Variants in KMT2C observed in about 807,000 individuals in gnomAD.
KMT2C encodes lysine methyltransferase 2C, also known as histone-lysine N-methyltransferase 2C.
A neutral mutation model predicts 507.9 loss-of-function variants in KMT2C; 88 were observed. The ratio of observed to expected loss-of-function variants is 0.17; its 90% confidence interval spans 0.15 to 0.21. The LOEUF is 0.21. KMT2C is among the 10% of genes least tolerant of loss of function. The pLI is 1.00. For synonymous variants in KMT2C, 2,049 were observed against 2,080.8 expected (o/e 0.98, Z 0.42); for missense variants, 4,954 against 5,957.8 (o/e 0.83, Z 5.55).
At chr7:152,434,739 G>A (rs1181552949) in intron 1 of KMT2C, among the ~76,000 whole-genome samples, 1 of 152,132 alleles carries the variant, frequency 6.6e-6, no homozygotes, top group Non-Finnish European at 1.5e-5. Context: ...TCAAATAACC[G>A]TTCTGTAAGA....
At chr7:152,158,231 C>T (rs2092207793) in intron 44 of KMT2C, among the ~76,000 whole-genome samples, 1 of 152,212 alleles carries the variant, frequency 6.6e-6, no homozygotes. Context: ...GCAACTGTCT[C>T]CCACCTTCTG....
intron 1 of KMT2C, among the ~76,000 whole-genome samples, chr7:152,400,632 A>G (rs1487995047): frequency 6.6e-6 from 1 of 152,244 alleles, no homozygotes; most frequent in African/African-American, 2.4e-5. Flanking sequence ...AAATAATACC[A>G]GTCAACTGTA....
At chr7:152,360,993 T>A (rs2097192649) in intron 1 of KMT2C, among the ~76,000 whole-genome samples, 1 of 151,988 alleles carries the variant, frequency 6.6e-6, no homozygotes, top group Non-Finnish European at 1.5e-5. Context: ...TCAAAAACTA[T>A]GAATGAAAAT....
intron 3 of KMT2C, among the ~76,000 whole-genome samples, chr7:152,324,614 C>G (rs1003574723): frequency 6.6e-6 from 1 of 151,432 alleles, no homozygotes; most frequent in African/African-American, 2.4e-5. Context: ...AATACATATT[C>G]CAAGAAAAAA....
chr7:152,145,385 AAT>A, intron 53 of KMT2C, 90 bp from the exon 54 acceptor site: 1 of 1,299,234 alleles, frequency 7.7e-7, no homozygotes, highest in Non-Finnish European at 1.1e-6. Context: ...CCACGACAGA[AAT>A]AACTCATCAG....
chr7:152,180,187 A>G, intron 36 of KMT2C, 61 bp from the exon 37 acceptor site: 1 of 1,557,336 alleles, frequency 6.4e-7, no homozygotes, highest in Non-Finnish European at 8.8e-7. Context: ...TTTAAAGGTT[A>G]CTGGCTTTTT....
intron 2 of KMT2C, among the ~76,000 whole-genome samples, chr7:152,348,225 G>A (rs1464336943): frequency 6.6e-6 from 1 of 152,088 alleles, no homozygotes; most frequent in Non-Finnish European, 1.5e-5. Flanking sequence ...AACACACCCA[G>A]TTTGGTTCAT....
intron 6 of KMT2C, among the ~76,000 whole-genome samples, chr7:152,306,197 T>C (rs2096614619): frequency 6.6e-6 from 1 of 152,208 alleles, no homozygotes; most frequent in African/African-American, 2.4e-5. Flanking sequence ...CTATCCTCTT[T>C]TATGTGAATT....
chr7:152,214,278 C>A (rs565855562), intron 23 of KMT2C, among the ~76,000 whole-genome samples: 1 of 152,010 alleles, frequency 6.6e-6, no homozygotes, highest in Non-Finnish European at 1.5e-5. Flanking sequence ...ATATTCATGG[C>A]GACATTACTC....
intron 43 of KMT2C, among the ~76,000 whole-genome samples, chr7:152,161,334 A>G (rs1232784031): frequency 2.0e-5 from 3 of 152,224 alleles, no homozygotes; most frequent in African/African-American, 7.2e-5. Context: ...TCAACCCTTA[A>G]TTAAAATATG....
intron 1 of KMT2C, among the ~76,000 whole-genome samples, chr7:152,397,042 C>A (rs1266473182): frequency 1.3e-5 from 2 of 152,184 alleles, no homozygotes; most frequent in African/African-American, 4.8e-5. Context: ...TAGTTTAAAA[C>A]CTGTTTCTCC....
chr7:152,253,489 A>G (rs2129167242), intron 9 of KMT2C, among the ~76,000 whole-genome samples: 1 of 145,580 alleles, frequency 6.9e-6, no homozygotes, highest in South Asian at 2.3e-4. Flanking sequence ...AATCTGGGCA[A>G]GAAGGCAAAA....
At chr7:152,193,684 CCA>C (rs140030416) in intron 31 of KMT2C, among the ~76,000 whole-genome samples, 5 of 150,974 alleles carry the variant, frequency 3.3e-5, no homozygotes, top group African/African-American at 7.3e-5. Flanking sequence ...GGGGACAGTT[CCA>C]CACACACACA....
intron 1 of KMT2C, among the ~76,000 whole-genome samples, chr7:152,408,575 A>G (rs2097647190): frequency 6.6e-6 from 1 of 152,192 alleles, no homozygotes; most frequent in African/African-American, 2.4e-5. Flanking sequence ...GCGGCATTAG[A>G]TTCTCATAGA....
intron 46 of KMT2C, chr7:152,155,037 G>A (rs1381375698): frequency 2.6e-5 from 4 of 152,202 alleles, no homozygotes; most frequent in African/African-American, 7.2e-5. Flanking sequence ...CAAAAGACTG[G>A]TCCCTTCTGT....
At chr7:152,291,606 T>G (rs2096428493) in intron 6 of KMT2C, among the ~76,000 whole-genome samples, 1 of 152,302 alleles carries the variant, frequency 6.6e-6, no homozygotes. Context: ...AAATATTTTC[T>G]CTTGTAGTTG....
chr7:152,326,350 T>G (rs1179327405), intron 3 of KMT2C, among the ~76,000 whole-genome samples: 1 of 152,140 alleles, frequency 6.6e-6, no homozygotes, highest in Non-Finnish European at 1.5e-5. Context: ...ATCCTTAATC[T>G]TTCCAAAAAG....
At chr7:152,319,421 C>T (rs2096751153) in intron 3 of KMT2C, among the ~76,000 whole-genome samples, 1 of 152,158 alleles carries the variant, frequency 6.6e-6, no homozygotes, top group African/African-American at 2.4e-5. Flanking sequence ...AGAGTGCGAG[C>T]CTTCTGTTAT....
rs927517414 is a variant in KMT2C at position 152,375,522 on chromosome 7, A to T, written c.162-16847T>A. Among the ~76,000 whole-genome samples the T allele has an allele frequency of 4.0e-5, 6 of 149,854 alleles. No individual in the cohort carries two copies. In the Admixed American group the frequency reaches 4.0e-4, roughly 10 times the overall value. ...TGCCTCAGTCTCCCAAGTAGCTGGG[A>T]TTACAGGCGCCCACAACCACGCCCA... On this transcript the variant is annotated intron_variant, in intron 1 of 58. Coordinates refer to ENST00000262189, the MANE Select transcript of KMT2C (RefSeq NM_170606.3).
Sources: gnomAD v4.1 joint callset for allele counts (sites outside exome capture counted in the v4.1 genomes callset) on GRCh38, gnomAD v4.1.1 for gene constraint, MANE v1.5 for transcripts, NCBI Gene and HGNC (gene_info 2026-07-23, HGNC 2026-07-21) for gene names.